The following SUN1 variants were observed in gnomAD, a reference collection of about 807,000 sequenced individuals.
SUN1 encodes Sad1 and UNC84 domain containing 1.
Under a neutral mutation model 103.2 loss-of-function variants are expected in SUN1, and 61 were observed. That is an observed-to-expected ratio of 0.59 (90% CI 0.48 to 0.73). The LOEUF is 0.73. SUN1 is among the 30% of genes least tolerant of loss of function. The pLI, the probability that SUN1 is intolerant of heterozygous loss-of-function variation, is 0.00. For missense variants in SUN1, 1,052 were observed against 1,034.6 expected (o/e 1.02, Z -0.23); for synonymous variants, 490 against 425.7 (o/e 1.15, Z -1.86).
chr7:854,074 C>A (rs1190401430), intron 10 of SUN1, among the ~76,000 whole-genome samples: 2 of 152,212 alleles, frequency 1.3e-5, no homozygotes, highest in Non-Finnish European at 2.9e-5. Flanking sequence ...GTGGGGGGAC[C>A]CAGGAACCTC....
chr7:843,726 G>C, intron 5 of SUN1: 2 of 1,427,156 alleles, frequency 1.4e-6, no homozygotes, highest in Non-Finnish European at 1.8e-6. Context: ...GTACCTAAAA[G>C]TATTTGAAAT....
rs1043932272 is a variant in SUN1, at chr7:843,523, A to G, written c.658+3A>G. 1.4e-5 allele frequency: 23 copies of G among 1,613,878 alleles called. No homozygotes were observed. Among genetic ancestry groups the G allele is most frequent in the Non-Finnish European group, 1.9e-5 (23 of 1,179,936 alleles). On this transcript the variant is annotated splice_donor_region_variant and intron_variant, in intron 5 of 18. Coordinates refer to ENST00000401592, the MANE Select transcript of SUN1 (RefSeq NM_001130965.3). ...TTCTAGGGACAGGAATCAAAAATGTAAGTCTCAGTCCTTTAAAACTCAGAA... is the reference window on the plus strand; with the variant it reads ...TTCTAGGGACAGGAATCAAAAATGTGAGTCTCAGTCCTTTAAAACTCAGAA...
chr7:839,172 A>C, intron 2 of SUN1, 186 bp downstream of exon 2: 1 of 528,446 alleles, frequency 1.9e-6, no homozygotes, highest in Non-Finnish European at 3.1e-6. Context: ...ACTGAAAGGA[A>C]CTCTGGAATC....
chr7:861,917 T>C (rs879861009), intron 15 of SUN1, among the ~76,000 whole-genome samples: 4 of 152,186 alleles, frequency 2.6e-5, no homozygotes, highest in African/African-American at 9.7e-5. Flanking sequence ...CAAAGGCCGC[T>C]GTGGTCGGGG....
upstream of SUN1, among the ~76,000 whole-genome samples, chr7:829,112 A>G (rs570798400): frequency 2.0e-5 from 3 of 152,346 alleles, no homozygotes; most frequent in South Asian, 6.2e-4. Context: ...CAGAATGTCA[A>G]CTTCAGATTC....
At chr7:818,094 C>T (rs1189601689) in intron 1 of SUN1, among the ~76,000 whole-genome samples, 1 of 151,868 alleles carries the variant, frequency 6.6e-6, no homozygotes, top group Non-Finnish European at 1.5e-5. Context: ...TTTGATTGTG[C>T]TAAAATACAC....
At chr7:867,235 G>A (rs558202836) in intron 16 of SUN1, among the ~76,000 whole-genome samples, 76 of 152,354 alleles carry the variant, frequency 5.0e-4, no homozygotes, top group Non-Finnish European at 9.7e-4. Flanking sequence ...GGGCACAGCC[G>A]GAGCCCCTCC....
intron 1 of SUN1, chr7:817,472 C>T (rs749736242): frequency 6.5e-6 from 10 of 1,536,168 alleles, no homozygotes; most frequent in South Asian, 1.2e-5. Context: ...GAGGATTTCT[C>T]CCGGCTCCCC....
At chr7:856,956 A>G (rs1562748391) in intron 12 of SUN1, among the ~76,000 whole-genome samples, 1 of 152,078 alleles carries the variant, frequency 6.6e-6, no homozygotes, top group Non-Finnish European at 1.5e-5. Flanking sequence ...CTTGGAATCC[A>G]TGGCACAGCC....
intron 1 of SUN1, among the ~76,000 whole-genome samples, chr7:835,006 G>A (rs1468037074): frequency 6.6e-6 from 1 of 152,240 alleles, no homozygotes. Flanking sequence ...AACCCAAGAG[G>A]TGGAGGTTGC....
Position 842,064 on chromosome 7 carries a change from A to C in SUN1, c.385A>C (p.Thr129Pro). Residue 129 changes from threonine to proline, a missense_variant, in exon 3 of 19, where the codon ACT (threonine) becomes CCT (proline). Physicochemically the swap from Thr to Pro is conservative, Grantham distance 38. Coordinates refer to ENST00000401592, the MANE Select transcript of SUN1 (RefSeq NM_001130965.3). Reference protein sequence around the residue: ...GGTVSLQDAVTRRPPVLDESW... With the variant: ...GGTVSLQDAVPRRPPVLDESW... Reference sequence around the variant, plus strand: ...CACTGTCAGCCTGCAGGATGCTGTGACTCGACGGCCTCCTGTATTGGACGA... The same window carrying C: ...CACTGTCAGCCTGCAGGATGCTGTGCCTCGACGGCCTCCTGTATTGGACGA... 1 of 1,614,144 alleles carries C rather than the reference A, an allele frequency of 6.2e-7. No individual in the cohort carries two copies. Among genetic ancestry groups the C allele is most frequent in the Non-Finnish European group, 8.5e-7 (1 of 1,180,034 alleles).
chr7:827,258 G>T (rs1793081733), intron 1 of SUN1, among the ~76,000 whole-genome samples: 1 of 152,038 alleles, frequency 6.6e-6, no homozygotes, highest in Non-Finnish European at 1.5e-5. Flanking sequence ...CTAACCTCAA[G>T]TGATCCTCCT....
intron 9 of SUN1, 65 bp downstream of exon 9, chr7:853,017 C>T (rs1353676875): frequency 6.5e-7 from 1 of 1,533,460 alleles, no homozygotes; most frequent in Non-Finnish European, 8.7e-7. Flanking sequence ...ACGTTCCACA[C>T]TGCTGTGAGC....
intron 10 of SUN1, among the ~76,000 whole-genome samples, chr7:854,544 T>A (rs968049039): frequency 6.6e-6 from 1 of 152,180 alleles, no homozygotes; most frequent in African/African-American, 2.4e-5. Flanking sequence ...CGAGGGGCGC[T>A]GGATGGCGTG....
Position 873,224 on chromosome 7 carries a change from G to A in SUN1, c.2251G>A (p.Asp751Asn), listed in dbSNP as rs200503893. The A allele has an allele frequency of 1.5e-4, 247 of 1,614,192 alleles. 1 individual carries two copies. In the African/African-American group the frequency reaches 3.0e-3, roughly 19 times the overall value. Residue 751 changes from aspartate to asparagine, a missense_variant, in exon 19 of 19, where the codon GAC becomes AAC. Physicochemically the swap from Asp to Asn is conservative, Grantham distance 23. Transcript: ENST00000401592. The part of the protein sequence containing the change: ...LQMFQALKRP[D>N]DTAFQIVELR... The stretch of plus-strand genomic sequence containing the variant: ...CCCACCTTGATTTCAGAAAAGACCC[G>A]ACGACACAGCTTTCCAAATAGTGGA...
intron 5 of SUN1, among the ~76,000 whole-genome samples, chr7:847,076 G>A (rs941386870): frequency 6.6e-6 from 1 of 152,244 alleles, no homozygotes; most frequent in African/African-American, 2.4e-5. Context: ...CCATTCTTAA[G>A]CTGGTGGGTC....
chr7:849,597 G>C, intron 5 of SUN1: 3 of 1,460,240 alleles, frequency 2.1e-6, no homozygotes, highest in Non-Finnish European at 2.8e-6. Context: ...AAATGGGGAA[G>C]CGCTGTGTAA....
chr7:872,544 C>G lies in SUN1; in HGVS notation c.2223C>G (p.Leu741=). ...CGTATGATCAGGATGGGGAGTCGCTCCAGATGTTCCAGGCCCTGGTAAGAA... is the reference window on the plus strand; with the variant it reads ...CGTATGATCAGGATGGGGAGTCGCTGCAGATGTTCCAGGCCCTGGTAAGAA... ...QFTYDQDGES[L]QMFQALKRPD... The change falls in exon 18 of 19, where the codon CTC becomes CTG. Residue 741 remains leucine, a synonymous_variant. Coordinates refer to ENST00000401592, the MANE Select transcript of SUN1 (RefSeq NM_001130965.3). 1 of 1,590,752 alleles carries G rather than the reference C, an allele frequency of 6.3e-7. No individual in the cohort carries two copies. Among genetic ancestry groups the G allele is most frequent in the Non-Finnish European group, 8.6e-7 (1 of 1,168,028 alleles).
At chr7:834,638 C>A (rs2128237045) in intron 1 of SUN1, among the ~76,000 whole-genome samples, 1 of 152,334 alleles carries the variant, frequency 6.6e-6, no homozygotes, top group South Asian at 2.1e-4. Context: ...TGCAGCCCTC[C>A]CCGCACAGCT....
Sources: gnomAD v4.1 joint callset for allele counts (sites outside exome capture counted in the v4.1 genomes callset) on GRCh38, gnomAD v4.1.1 for gene constraint, MANE v1.5 for transcripts, NCBI Gene and HGNC (gene_info 2026-07-23, HGNC 2026-07-21) for gene names.